STON1: variants seen among roughly 807,000 people sequenced by gnomAD.
The protein encoded by STON1 is stonin-1.
STON1 carries 79 observed loss-of-function variants against 60.9 expected under a neutral mutation model. The observed-to-expected ratio is 1.30, with a 90% CI of 1.08 to 1.56. STON1 has a LOEUF of 1.56. Among genes scored for constraint, STON1 ranks in the 40% most tolerant of loss-of-function variants. The pLI is 0.00. For synonymous variants in STON1, 363 were observed against 306.9 expected (o/e 1.18, Z -1.91); for missense variants, 1,166 against 858.9 (o/e 1.36, Z -4.47).
intron 2 of STON1, among the ~76,000 whole-genome samples, chr2:48,583,721 A>G (rs1229546463): frequency 2.7e-5 from 4 of 148,668 alleles, no homozygotes; most frequent in Non-Finnish European, 4.5e-5. Context: ...GCATCCATCG[A>G]TCCATCCATC....
chr2:48,562,967 G>A (rs1672671050), intron 1 of STON1, among the ~76,000 whole-genome samples: 1 of 152,224 alleles, frequency 6.6e-6, no homozygotes, highest in African/African-American at 2.4e-5. Context: ...AGAGTTCAGT[G>A]ATACTTACTC....
intron 1 of STON1, among the ~76,000 whole-genome samples, chr2:48,547,226 A>C (rs1031082756): frequency 1.3e-5 from 2 of 152,242 alleles, no homozygotes; most frequent in African/African-American, 4.8e-5. Context: ...GTTAGAAAAG[A>C]TAATATTTAA....
At chr2:48,541,336 G>C (rs1030460137) in intron 1 of STON1, among the ~76,000 whole-genome samples, 4 of 150,826 alleles carry the variant, frequency 2.7e-5, no homozygotes, top group African/African-American at 9.8e-5. Flanking sequence ...CTGGGAGACA[G>C]TGTGAGACTC....
chr2:48,564,495 CTTCTT>C (rs1672802629), intron 1 of STON1, among the ~76,000 whole-genome samples: 1 of 23,252 alleles, frequency 4.3e-5, no homozygotes, highest in African/African-American at 2.0e-4. Flanking sequence ...TCTTCTTCTT[CTTCTT>C]CTTCTTCTTC....
At chr2:48,542,473 T>TTCCA (rs1671693015) in intron 1 of STON1, among the ~76,000 whole-genome samples, 4 of 152,254 alleles carry the variant, frequency 2.6e-5, no homozygotes, top group African/African-American at 9.6e-5. Context: ...CTCAAAAGGT[T>TTCCA]GTTCTGAAGA....
In STON1 at chr2:48,581,273, A is replaced by G. The variant is rs543536658; in HGVS notation, c.640A>G (p.Met214Val). Reference sequence around the variant, plus strand: ...GATGTTCTCATCAAGAAACAAGGAGATGCCTATTGACCAAAAAAGCCTAAA... The same window carrying G: ...GATGTTCTCATCAAGAAACAAGGAGGTGCCTATTGACCAAAAAAGCCTAAA... ...KKMFSSRNKE[M>V]PIDQKSLNKC... The change falls in exon 2 of 4, where the codon ATG (methionine) becomes GTG (valine). Residue 214 changes from methionine to valine, a missense_variant. Met to Val is a conservative substitution (Grantham distance 21, BLOSUM62 1). Transcript: ENST00000404752. 2 of 1,519,070 alleles carry G rather than the reference A, an allele frequency of 1.3e-6. No homozygotes were observed. The highest frequency in any genetic ancestry group is 2.3e-5 in the East Asian group (1 of 44,162). 94.1% of individuals were successfully genotyped at this position (1,519,070 alleles called of 1,614,324 possible). A position where few individuals can be genotyped will look rare whatever the true frequency, so the allele number is the denominator to read the frequency against.
At chr2:48,553,456 GT>G (rs1672185161) in intron 1 of STON1, among the ~76,000 whole-genome samples, 2 of 144,530 alleles carry the variant, frequency 1.4e-5, no homozygotes, top group South Asian at 4.5e-4. Flanking sequence ...CGTTTGTTTT[GT>G]TTTGTTTTTT....
intron 1 of STON1, among the ~76,000 whole-genome samples, chr2:48,548,486 T>C (rs891528448): frequency 2.0e-5 from 3 of 152,100 alleles, no homozygotes; most frequent in African/African-American, 7.2e-5. Flanking sequence ...CTTTCTTCTT[T>C]CATTTTTCTT....
intron 1 of STON1, among the ~76,000 whole-genome samples, chr2:48,558,231 T>C (rs1672465073): frequency 1.3e-5 from 2 of 152,148 alleles, no homozygotes; most frequent in South Asian, 4.1e-4. Flanking sequence ...TGTCTCAAAA[T>C]AGAGAAAGAA....
rs1272567766 is a variant in STON1 at position 48,557,670 on chromosome 2, C to T, written c.-47-22917C>T. Among the ~76,000 whole-genome samples, 5 of 69,502 alleles carry T rather than the reference C, an allele frequency of 7.2e-5. 2 individuals are homozygous for T. The highest frequency in any genetic ancestry group is 1.0e-3 in the South Asian group (2 of 1,932). 45.6% of individuals were successfully genotyped at this position (69,502 alleles called of 152,430 possible). On this transcript the variant is annotated intron_variant, in intron 1 of 3. Transcript: ENST00000404752. ...ATTGAGCACTGAGTGAACGAGACTC[C>T]GTCTGCAATCCCGGCACCTCGGGAG... is the stretch of plus-strand genomic sequence containing the variant.
rs143683853 is a variant in STON1 at position 48,587,490 on chromosome 2, G to A, written c.1931-4163G>A. Among the ~76,000 whole-genome samples, 193 of 152,090 alleles carry A rather than the reference G, an allele frequency of 1.3e-3. 1 individual carries two copies. The East Asian group carries it at 0.018, about 14-fold the overall frequency. Reference sequence around the variant, plus strand: ...GTGTTTTTAGTAGAGATGGGGTTTCGCCATATTGGCCAGGCTGGTCTCAAA... The same window carrying A: ...GTGTTTTTAGTAGAGATGGGGTTTCACCATATTGGCCAGGCTGGTCTCAAA... On this transcript the variant is annotated intron_variant, in intron 2 of 3. Transcript: ENST00000404752.
In STON1 at chr2:48,581,165, G is replaced by A; in HGVS notation, c.532G>A (p.Glu178Lys). ...TCTCCCCCAGTTTCAGTATTTTCGA[G>A]AGGACTGTGCTTTTTCAAGTCCATT... is the stretch of plus-strand genomic sequence containing the variant. Reference protein sequence around the residue: ...DDLPQFQYFREDCAFSSPFWK... With the variant: ...DDLPQFQYFRKDCAFSSPFWK... The change falls in exon 2 of 4, where the codon GAG becomes AAG. Residue 178 changes from glutamate to lysine, a missense_variant. Glu to Lys is a moderately conservative substitution (Grantham distance 56). Transcript: ENST00000404752. 6.4e-7 allele frequency: 1 copy of A among 1,553,150 alleles called. No homozygotes were observed.
At chr2:48,575,226 G>A (rs1673415475) in intron 1 of STON1, among the ~76,000 whole-genome samples, 1 of 152,188 alleles carries the variant, frequency 6.6e-6, no homozygotes, top group Admixed American at 6.5e-5. Context: ...ATATTCTATT[G>A]TATGAATATA....
intron 1 of STON1, among the ~76,000 whole-genome samples, chr2:48,555,353 G>A (rs1303610726): frequency 3.4e-5 from 1 of 29,258 alleles, no homozygotes; most frequent in African/African-American, 1.2e-4. Context: ...CGGATGGGGC[G>A]GCTGGCCGGG....
Position 48,596,202 on chromosome 2 carries a change from A to G in STON1, c.*900A>G, listed in dbSNP as rs534321026. On this transcript the variant is annotated 3_prime_UTR_variant, in exon 4 of 4. Transcript: ENST00000404752. ...TCTCTTGAGTAGAAGTCTAAATCAC[A>G]TTATGATTATTTTATACTAGTTCTG... 3.0e-4 allele frequency: 46 copies of G among 152,352 alleles called. No individual in the cohort carries two copies. Among genetic ancestry groups the G allele is most frequent in the African/African-American group, 1.0e-3 (43 of 41,584 alleles). 9.4% of individuals were successfully genotyped at this position (152,352 alleles called of 1,614,324 possible).
chr2:48,588,625 T>C (rs1674342311), intron 2 of STON1, among the ~76,000 whole-genome samples: 1 of 152,184 alleles, frequency 6.6e-6, no homozygotes, highest in Admixed American at 6.5e-5. Context: ...GCTGGGATTA[T>C]AGGTATAAGC....
chr2:48,560,789 C>G (rs1172472955), intron 1 of STON1, among the ~76,000 whole-genome samples: 1 of 152,148 alleles, frequency 6.6e-6, no homozygotes, highest in Non-Finnish European at 1.5e-5. Flanking sequence ...TACCCCAGGC[C>G]CCAGCATCCA....
At position 48,592,433 on chromosome 2, in the gene STON1, T is replaced by C. The variant is rs75916906; in HGVS notation, c.2133+578T>C. On this transcript the variant is annotated intron_variant, in intron 3 of 3. Transcript: ENST00000404752. ...CTGAGTTACTCTATTATGGTAGTTT[T>C]CAGTTTTTTTTTTTTTAAGACGGCA... 3.6e-3 allele frequency among the ~76,000 whole-genome samples: 541 copies of C among 151,214 alleles called. 4 individuals carry two copies. Among genetic ancestry groups the C allele is most frequent in the African/African-American group, 0.012 (498 of 41,312 alleles).
At chr2:48,546,794 G>T (rs778906298) in intron 1 of STON1, among the ~76,000 whole-genome samples, 32 of 152,134 alleles carry the variant, frequency 2.1e-4, no homozygotes, top group Non-Finnish European at 4.4e-4. Flanking sequence ...TCAAACTCCT[G>T]GCCTCAAGCA....
Sources: gnomAD v4.1 joint callset for allele counts (sites outside exome capture counted in the v4.1 genomes callset) on GRCh38, gnomAD v4.1.1 for gene constraint, MANE v1.5 for transcripts, NCBI Gene and HGNC (gene_info 2026-07-23, HGNC 2026-07-21) for gene names.